Variants in ACTR3C observed in about 807,000 individuals in gnomAD.
ACTR3C encodes the protein actin related protein 3C.
In ACTR3C, 18 loss-of-function variants were observed where a neutral mutation model predicts 26.3. The observed-to-expected ratio is 0.68, with a 90% confidence interval of 0.47 to 1.01. The LOEUF is 1.01. Among genes scored for constraint, ACTR3C ranks in the 50% least tolerant of loss-of-function variants. The pLI is 0.00. For missense variants in ACTR3C, 184 were observed against 250.7 expected, an observed-to-expected ratio of 0.73 and a Z score of 1.80; for synonymous variants, 55 against 94.5, an observed-to-expected ratio of 0.58 and a Z score of 2.42.
chr7:150,134,494 C>T, the ACTR3C span, among the ~76,000 whole-genome samples: 1 of 152,222 alleles, frequency 6.6e-6, no homozygotes, highest in African/African-American at 2.4e-5. Flanking sequence ...TTTACACACA[C>T]ATGAACACGT....
At chr7:150,009,592 C>A in the ACTR3C span, among the ~76,000 whole-genome samples, 9 of 152,250 alleles carry the variant, frequency 5.9e-5, no homozygotes, top group East Asian at 5.8e-4. Context: ...CCACTGGGCT[C>A]TAAAATTTAA....
At chr7:149,945,318 A>ACAGGCTGCAGGGGCTTGGGG in the ACTR3C span, among the ~76,000 whole-genome samples, 4 of 118,868 alleles carry the variant, frequency 3.4e-5, no homozygotes, top group African/African-American at 5.9e-5. Flanking sequence ...TCCATCAGTG[A>ACAGGCTGCAGGGGCTTGGGG]CAACCTCCCA....
At chr7:150,144,828 A>C in the ACTR3C span, among the ~76,000 whole-genome samples, 9 of 152,162 alleles carry the variant, frequency 5.9e-5, no homozygotes, top group Non-Finnish European at 8.8e-5. This position sits in a 1 kb window ranked among gnomAD's most constrained non-coding sequence, Gnocchi z 4.6. Flanking sequence ...TGGGCAGATC[A>C]CTTGAGGTCA....
At chr7:150,206,163 TG>T in the ACTR3C span, among the ~76,000 whole-genome samples, 1 of 152,202 alleles carries the variant, frequency 6.6e-6, no homozygotes, top group Non-Finnish European at 1.5e-5. Context: ...CTTCTCCCAG[TG>T]GTCATCCCTG....
chr7:150,012,476 G>A, the ACTR3C span, among the ~76,000 whole-genome samples: 4 of 151,372 alleles, frequency 2.6e-5, no homozygotes, highest in South Asian at 2.1e-4. Flanking sequence ...CACCATGCCC[G>A]GCTAATTTTT....
chr7:150,206,254 T>G, the ACTR3C span, among the ~76,000 whole-genome samples: 2 of 152,328 alleles, frequency 1.3e-5, no homozygotes, highest in Admixed American at 6.5e-5. Context: ...TCTCTATGTC[T>G]TTGTTCAAGT....
the ACTR3C span, among the ~76,000 whole-genome samples, chr7:150,006,147 C>A: frequency 1.5e-5 from 2 of 137,112 alleles, no homozygotes; most frequent in African/African-American, 5.7e-5. Context: ...CTTCTGGGAA[C>A]CTAAAGGCTT....
At chr7:149,996,601 A>ATAAAT in the ACTR3C span, among the ~76,000 whole-genome samples, 1 of 149,390 alleles carries the variant, frequency 6.7e-6, no homozygotes. Flanking sequence ...AAATAAATAA[A>ATAAAT]AAATAAAACT....
chr7:150,235,939 T>A, the ACTR3C span, among the ~76,000 whole-genome samples: 3 of 151,590 alleles, frequency 2.0e-5, no homozygotes, highest in Non-Finnish European at 4.4e-5. Flanking sequence ...AGTCCATTCT[T>A]TACACCAACT....
At chr7:149,925,853 G>A in the ACTR3C span, among the ~76,000 whole-genome samples, 1 of 152,132 alleles carries the variant, frequency 6.6e-6, no homozygotes, top group African/African-American at 2.4e-5. Context: ...CCTGAGGTCA[G>A]GAGTTTGAGA....
the ACTR3C span, among the ~76,000 whole-genome samples, chr7:150,115,027 A>G: frequency 3.3e-5 from 5 of 152,220 alleles, no homozygotes; most frequent in African/African-American, 9.6e-5. Context: ...TCATTTCTCC[A>G]TCCATCCCAA....
the ACTR3C span, among the ~76,000 whole-genome samples, chr7:149,983,288 A>G: frequency 6.6e-6 from 1 of 151,738 alleles, no homozygotes; most frequent in Non-Finnish European, 1.5e-5. Flanking sequence ...TTCAAAGAAA[A>G]CATACAAATG....
At chr7:150,175,832 A>AAAAG in the ACTR3C span, among the ~76,000 whole-genome samples, 48 of 145,994 alleles carry the variant, frequency 3.3e-4, no homozygotes, top group African/African-American at 1.1e-3. Flanking sequence ...AAAAAAAAAA[A>AAAAG]AAAGAAAGAA....
At chr7:150,048,945 G>T in the ACTR3C span, among the ~76,000 whole-genome samples, 2 of 152,138 alleles carry the variant, frequency 1.3e-5, no homozygotes, top group African/African-American at 4.8e-5. Context: ...GCGCCCCGCA[G>T]AGAGCCCGGC....
the ACTR3C span, among the ~76,000 whole-genome samples, chr7:150,089,793 T>A: frequency 0.062 from 9,402 of 152,248 alleles, 418 homozygotes; most frequent in Non-Finnish European, 0.098. Flanking sequence ...CAAATACCAT[T>A]CTTCAAGGGT....
intron 1 of ACTR3C, among the ~76,000 whole-genome samples, chr7:150,315,037 T>G (rs984484094): frequency 1.4e-5 from 2 of 147,360 alleles, no homozygotes; most frequent in Non-Finnish European, 3.0e-5. Context: ...ATAAATAATA[T>G]TAATAATTAC....
chr7:150,281,766 T>C (rs1835362710), intron 6 of ACTR3C, among the ~76,000 whole-genome samples: 1 of 152,038 alleles, frequency 6.6e-6, no homozygotes, highest in Non-Finnish European at 1.5e-5. Flanking sequence ...ACTCCTCACA[T>C]GTCTACAACA....
the ACTR3C span, among the ~76,000 whole-genome samples, chr7:150,043,501 C>G: frequency 2.6e-5 from 4 of 152,230 alleles, no homozygotes; most frequent in Admixed American, 2.6e-4. Flanking sequence ...GGGTGGCCAT[C>G]CTTTAGAAAC....
At chr7:150,060,154 A>T in the ACTR3C span, among the ~76,000 whole-genome samples, 4 of 152,166 alleles carry the variant, frequency 2.6e-5, no homozygotes, top group Admixed American at 2.6e-4. Flanking sequence ...CTCCATATTT[A>T]CCAGCCTTGT....
Sources: gnomAD v4.1 joint callset for allele counts (sites outside exome capture counted in the v4.1 genomes callset) on GRCh38, gnomAD v4.1.1 for gene constraint, Gnocchi (gnomAD v3.1) non-coding constraint, MANE v1.5 for transcripts, NCBI Gene and HGNC (gene_info 2026-07-23, HGNC 2026-07-21) for gene names.